The following HSCB variants were observed in gnomAD, a reference collection of about 807,000 sequenced individuals.
HSCB encodes iron-sulfur cluster co-chaperone protein HscB.
Under a neutral mutation model 31.3 loss-of-function variants are expected in HSCB, and 23 were observed. The observed-to-expected ratio is 0.74, with a 90% CI of 0.53 to 1.04. The LOEUF is 1.04. Among genes scored for constraint, HSCB ranks in the 50% least tolerant of loss-of-function variants. The pLI is 0.00. For missense variants in HSCB, 297 were observed against 288.1 expected (o/e 1.03, Z -0.22); for synonymous variants, 110 against 104.5 (o/e 1.05, Z -0.32).
At chr22:28,745,034 G>T (rs1361472602) in intron 3 of HSCB, among the ~76,000 whole-genome samples, 1 of 146,158 alleles carries the variant, frequency 6.8e-6, no homozygotes. Flanking sequence ...AGTGAGCTGT[G>T]ATTGTACTAC....
At chr22:28,749,902 A>G (rs2146215879) in intron 4 of HSCB, among the ~76,000 whole-genome samples, 1 of 152,210 alleles carries the variant, frequency 6.6e-6, no homozygotes, top group Middle Eastern at 3.4e-3. Flanking sequence ...CGTGGAGATA[A>G]TATTAGTACT....
At chr22:28,750,907 C>T (rs373637571) in intron 4 of HSCB, among the ~76,000 whole-genome samples, 1 of 142,988 alleles carries the variant, frequency 7.0e-6, no homozygotes, top group East Asian at 2.3e-4. Flanking sequence ...GTCGAAGACC[C>T]AAACTGTTTC....
intron 5 of HSCB, among the ~76,000 whole-genome samples, chr22:28,755,686 C>T (rs1307911771): frequency 1.3e-5 from 2 of 152,110 alleles, no homozygotes; most frequent in Non-Finnish European, 2.9e-5. Flanking sequence ...TGGAATGATG[C>T]AAATGGTTAT....
At chr22:28,755,493 T>C (rs2030544362) in intron 5 of HSCB, among the ~76,000 whole-genome samples, 1 of 152,152 alleles carries the variant, frequency 6.6e-6, no homozygotes, top group East Asian at 1.9e-4. Flanking sequence ...ATTTTGCCAT[T>C]ACATCTCCCT....
chr22:28,743,884 A>G lies in HSCB; in HGVS notation c.239A>G (p.Asn80Ser), dbSNP rs764282169. Residue 80 changes from asparagine (N) to serine (S), a missense_variant and splice_region_variant, in exon 2 of 6, where the codon AAC (asparagine) becomes AGC (serine). Transcript: ENST00000216027. The stretch of plus-strand genomic sequence containing the variant: ...TTAATCTCCCAATTTCCTTCCAGCA[A>G]CCGTTCCTTCAGAGTTGATACAGCG... ...TRDYFSLMDC[N>S]RSFRVDTAKL... 10 of 1,613,498 alleles carry G rather than the reference A, an allele frequency of 6.2e-6. No individual in the cohort carries two copies. The highest frequency in any genetic ancestry group is 1.1e-5 in the South Asian group (1 of 91,078).
chr22:28,755,132 C>T (rs1175128102), intron 5 of HSCB, among the ~76,000 whole-genome samples: 2 of 140,308 alleles, frequency 1.4e-5, no homozygotes, highest in African/African-American at 5.1e-5. Context: ...TTAAATAGGC[C>T]GGGCGCGGTG....
At chr22:28,756,312 C>T (rs1412414326) in intron 5 of HSCB, among the ~76,000 whole-genome samples, 4 of 151,964 alleles carry the variant, frequency 2.6e-5, no homozygotes, top group Non-Finnish European at 5.9e-5. Flanking sequence ...TATAAGCCCC[C>T]GGAGGGTACC....
Position 28,752,214 on chromosome 22 carries a change from C to T in HSCB, c.616+926C>T, listed in dbSNP as rs555836217. Among the ~76,000 whole-genome samples the T allele has an allele frequency of 1.1e-3, 165 of 151,470 alleles. 1 individual carries two copies. The highest frequency in any genetic ancestry group is 1.9e-3 in the Non-Finnish European group (126 of 67,830). On this transcript the variant is annotated intron_variant, in intron 5 of 5. Coordinates refer to ENST00000216027, the MANE Select transcript of HSCB (RefSeq NM_172002.5). Reference sequence around the variant, plus strand: ...ATCCCAACACTTTGGGAGGCCGAGGCGGGTGGATCAAGAGATCAAGACCAT... The same window carrying T: ...ATCCCAACACTTTGGGAGGCCGAGGTGGGTGGATCAAGAGATCAAGACCAT...
intron 4 of HSCB, 46 bp downstream of exon 4, chr22:28,746,054 C>T: frequency 6.4e-7 from 1 of 1,562,876 alleles, no homozygotes; most frequent in Non-Finnish European, 8.7e-7. Flanking sequence ...CTGTTATGAA[C>T]ACTTGTCCAA....
intron 2 of HSCB, 45 bp from the exon 3 acceptor site, chr22:28,744,570 T>C (rs1489812330): frequency 9.2e-6 from 13 of 1,419,250 alleles, no homozygotes; most frequent in African/African-American, 1.4e-5. Context: ...CAAAAAAACT[T>C]TGTGATTTGG....
intron 1 of HSCB, chr22:28,742,593 G>A (rs2054593791): frequency 3.8e-6 from 2 of 532,522 alleles, no homozygotes; most frequent in Admixed American, 3.6e-5. Flanking sequence ...AGGAAATAGG[G>A]GGGCCGAGGC....
intron 4 of HSCB, 55 bp from the exon 5 acceptor site, chr22:28,751,186 T>C: frequency 1.9e-6 from 2 of 1,059,436 alleles, no homozygotes; most frequent in East Asian, 4.8e-5. Context: ...AGTATTGTCT[T>C]CATATTATGA....
chr22:28,755,777 T>C (rs1219396643), intron 5 of HSCB, among the ~76,000 whole-genome samples: 1 of 152,218 alleles, frequency 6.6e-6, no homozygotes, highest in Admixed American at 6.6e-5. Flanking sequence ...ACTACGGATA[T>C]TGTAAGCCAG....
intron 5 of HSCB, among the ~76,000 whole-genome samples, chr22:28,755,632 CCTT>C (rs1444174596): frequency 1.3e-5 from 2 of 152,000 alleles, no homozygotes; most frequent in Admixed American, 6.6e-5. Flanking sequence ...TAATACATAT[CCTT>C]CTGTGACTTT....
At chr22:28,753,286 G>A (rs1189915731) in intron 5 of HSCB, among the ~76,000 whole-genome samples, 3 of 152,098 alleles carry the variant, frequency 2.0e-5, no homozygotes, top group East Asian at 3.9e-4. Flanking sequence ...AGCACTTTGG[G>A]AGGCTGAGGC....
At chr22:28,744,770 C>T (rs986604705) in intron 3 of HSCB, 66 bp downstream of exon 3, 15 of 1,237,490 alleles carry the variant, frequency 1.2e-5, no homozygotes, top group Middle Eastern at 1.9e-4. Flanking sequence ...AGGACAGCCA[C>T]GTCCCCTTTA....
chr22:28,752,700 C>T (rs1429153953), intron 5 of HSCB, among the ~76,000 whole-genome samples: 1 of 150,260 alleles, frequency 6.7e-6, no homozygotes, highest in African/African-American at 2.5e-5. Flanking sequence ...CGCCACTGCA[C>T]TCCAGCCTGT....
intron 5 of HSCB, 25 bp downstream of exon 5, chr22:28,751,313 A>T: frequency 6.8e-7 from 1 of 1,468,790 alleles, no homozygotes. Context: ...TCACTTTCTT[A>T]AATATGGAAA....
rs1227612764 is a variant in HSCB, at chr22:28,757,185, A to C, written c.*16A>C. 7.3e-7 allele frequency: 1 copy of C among 1,363,266 alleles called. No homozygotes were observed. Among genetic ancestry groups the C allele is most frequent in the Non-Finnish European group, 1.0e-6 (1 of 955,874 alleles). The allele number at this position is 1,363,266 out of a possible 1,614,324, so 84.4% of individuals were successfully genotyped here. On this transcript the variant is annotated 3_prime_UTR_variant, in exon 6 of 6. Transcript: ENST00000216027. Reference sequence around the variant, plus strand: ...TCCCCTTTAATTGTGGATAGTTTAAAGTTTAAAAAATAAAGTTCTTGCTGG... The same window carrying C: ...TCCCCTTTAATTGTGGATAGTTTAACGTTTAAAAAATAAAGTTCTTGCTGG...
Sources: gnomAD v4.1 joint callset for allele counts (sites outside exome capture counted in the v4.1 genomes callset) on GRCh38, gnomAD v4.1.1 for gene constraint, MANE v1.5 for transcripts, NCBI Gene and HGNC (gene_info 2026-07-23, HGNC 2026-07-21) for gene names.